PDZRN4: variants seen among roughly 807,000 people sequenced by gnomAD.
The protein encoded by PDZRN4 is PDZ domain containing ring finger 4, also known as PDZ domain-containing RING finger protein 4.
In PDZRN4, 70 loss-of-function variants were observed where a neutral mutation model predicts 99.0. The observed-to-expected ratio is 0.71, with a 90% CI of 0.58 to 0.86. The LOEUF is 0.86. Ranked by LOEUF, PDZRN4 falls within the 40% of genes least tolerant of loss-of-function variation. PDZRN4 has a pLI of 0.00. For missense variants in PDZRN4, 1,474 were observed against 1,331.2 expected, an observed-to-expected ratio of 1.11 and a Z score of -1.67; for synonymous variants, 551 against 501.6, an observed-to-expected ratio of 1.10 and a Z score of -1.32.
intron 5 of PDZRN4, among the ~76,000 whole-genome samples, chr12:41,529,608 T>C (rs1185937463): frequency 6.6e-6 from 1 of 152,212 alleles, no homozygotes; most frequent in African/African-American, 2.4e-5. Flanking sequence ...TAATATCTAT[T>C]ATTCATTATA....
chr12:41,192,698 A>T (rs1340813080), intron 2 of PDZRN4, among the ~76,000 whole-genome samples: 1 of 152,232 alleles, frequency 6.6e-6, no homozygotes, highest in Admixed American at 6.5e-5. Context: ...GAAACAAGGG[A>T]TGATTGATTT....
intron 3 of PDZRN4, among the ~76,000 whole-genome samples, chr12:41,468,611 G>T (rs1193380302): frequency 9.9e-5 from 15 of 152,128 alleles, no homozygotes; most frequent in Admixed American, 9.8e-4. Context: ...ACTTTCCCAA[G>T]TAAATTCCCT....
At chr12:41,417,775 G>T (rs1952456640) in intron 3 of PDZRN4, among the ~76,000 whole-genome samples, 1 of 152,236 alleles carries the variant, frequency 6.6e-6, no homozygotes, top group Admixed American at 6.5e-5. Flanking sequence ...AAGTGCATGA[G>T]AATGTTGTAG....
intron 3 of PDZRN4, among the ~76,000 whole-genome samples, chr12:41,343,732 T>A (rs199818304): frequency 0.47 from 71,477 of 151,186 alleles, 17,607 homozygotes; most frequent in Middle Eastern, 0.66. Context: ...GGAGAGAGGC[T>A]TTTGAATGGT....
At chr12:41,552,008 T>G (rs185293324) in intron 5 of PDZRN4, among the ~76,000 whole-genome samples, 39 of 152,360 alleles carry the variant, frequency 2.6e-4, no homozygotes, top group Non-Finnish European at 5.0e-4. Flanking sequence ...CCTGTTCATT[T>G]ACTGCTTCAT....
At chr12:41,219,452 A>T (rs1435783803) in intron 3 of PDZRN4, among the ~76,000 whole-genome samples, 1 of 152,144 alleles carries the variant, frequency 6.6e-6, no homozygotes, top group African/African-American at 2.4e-5. Context: ...AGAAAGAATA[A>T]TCTAGTAATA....
intron 3 of PDZRN4, among the ~76,000 whole-genome samples, chr12:41,497,107 G>A (rs1034070918): frequency 4.6e-5 from 7 of 152,102 alleles, no homozygotes; most frequent in African/African-American, 1.7e-4. Context: ...AAGTTGCAAG[G>A]TAGATTTCTA....
Position 41,545,344 on chromosome 12 carries a change from A to AT in PDZRN4, c.1204-7311dup, listed in dbSNP as rs1251318490. Among the ~76,000 whole-genome samples, 85 of 152,212 alleles carry AT rather than the reference A, an allele frequency of 5.6e-4. 1 individual carries two copies. Among genetic ancestry groups the AT allele is most frequent in the African/African-American group, 2.0e-3 (82 of 41,548 alleles). The stretch of plus-strand genomic sequence containing the variant: ...CTGTTTCCTACCTCTGTGCCTTTGC[A>AT]TGGTCAATGTTTCTCTGTTTGGAAA... On this transcript the variant is annotated intron_variant, in intron 5 of 9. Transcript: ENST00000402685.
chr12:41,532,378 A>G (rs946596578), intron 5 of PDZRN4, among the ~76,000 whole-genome samples: 51 of 152,144 alleles, frequency 3.4e-4, no homozygotes, highest in Non-Finnish European at 8.8e-5. Context: ...TATTCTTACA[A>G]ATATCTTCAT....
At chr12:41,205,928 A>G (rs912260913) in intron 3 of PDZRN4, among the ~76,000 whole-genome samples, 1 of 151,926 alleles carries the variant, frequency 6.6e-6, no homozygotes, top group Admixed American at 6.6e-5. Flanking sequence ...TGACTTTTAT[A>G]TAAATAGAAT....
rs1475218500 is a variant in PDZRN4, at chr12:41,224,891, GC to G, written c.843+30704del. 3.3e-5 allele frequency among the ~76,000 whole-genome samples: 5 copies of G among 152,186 alleles called. No individual in the cohort carries two copies. In the East Asian group the frequency reaches 9.7e-4, roughly 29 times the overall value. ...AGGCTGATTAACTCCAGTTCTCATT[GC>G]TTTAATCACTACATAATAATACCCT... On this transcript the variant is annotated intron_variant, in intron 3 of 9. Coordinates refer to ENST00000402685, the MANE Select transcript of PDZRN4 (RefSeq NM_001164595.2).
At chr12:41,204,722 C>T (rs1050663737) in intron 3 of PDZRN4, among the ~76,000 whole-genome samples, 2 of 151,982 alleles carry the variant, frequency 1.3e-5, no homozygotes, top group Admixed American at 1.3e-4. Flanking sequence ...CCTGGTCTCT[C>T]CCTTGACGTG....
At chr12:41,392,310 C>A (rs1476674494) in intron 3 of PDZRN4, among the ~76,000 whole-genome samples, 2 of 151,968 alleles carry the variant, frequency 1.3e-5, no homozygotes, top group Non-Finnish European at 2.9e-5. Context: ...TACATACAAA[C>A]ACACACACAC....
intron 3 of PDZRN4, among the ~76,000 whole-genome samples, chr12:41,198,404 G>A (rs1258808659): frequency 6.6e-6 from 1 of 152,044 alleles, no homozygotes; most frequent in African/African-American, 2.4e-5. Flanking sequence ...TCAACTTCTG[G>A]AGACCAGAGT....
chr12:41,568,200 G>A (rs1276264289), intron 9 of PDZRN4, among the ~76,000 whole-genome samples: 1 of 152,176 alleles, frequency 6.6e-6, no homozygotes, highest in Non-Finnish European at 1.5e-5. Context: ...TAAAAAATGT[G>A]TGTTGCTTAT....
chr12:41,292,909 T>C (rs577345992), intron 3 of PDZRN4, among the ~76,000 whole-genome samples: 2 of 151,794 alleles, frequency 1.3e-5, no homozygotes, highest in African/African-American at 4.8e-5. Flanking sequence ...AAAAGACCAA[T>C]GTGAATGTTT....
chr12:41,278,600 A>G (rs1591994808), intron 3 of PDZRN4, among the ~76,000 whole-genome samples: 1 of 152,082 alleles, frequency 6.6e-6, no homozygotes, highest in East Asian at 1.9e-4. Context: ...GCAGTCCCAT[A>G]GCTTCAGTAA....
intron 3 of PDZRN4, among the ~76,000 whole-genome samples, chr12:41,436,863 C>T (rs1399334207): frequency 3.3e-5 from 5 of 152,170 alleles, no homozygotes; most frequent in Non-Finnish European, 7.3e-5. Context: ...TTGTGCATTA[C>T]ATTCAAGTTT....
At chr12:41,457,342 C>G (rs1952824765) in intron 3 of PDZRN4, among the ~76,000 whole-genome samples, 1 of 152,110 alleles carries the variant, frequency 6.6e-6, no homozygotes, top group Admixed American at 6.5e-5. Context: ...TTCTGAAATG[C>G]ATTTTGCTAT....
Sources: gnomAD v4.1 joint callset for allele counts (sites outside exome capture counted in the v4.1 genomes callset) on GRCh38, gnomAD v4.1.1 for gene constraint, MANE v1.5 for transcripts, NCBI Gene and HGNC (gene_info 2026-07-23, HGNC 2026-07-21) for gene names.